The following EIF2S3B variants were observed in gnomAD, a reference collection of about 807,000 sequenced individuals.
EIF2S3B encodes the protein eukaryotic translation initiation factor 2 subunit 3B.
Under a neutral mutation model 26.4 loss-of-function variants are expected in EIF2S3B, and 16 were observed. The ratio of observed to expected loss-of-function variants is 0.61; its 90% confidence interval spans 0.41 to 0.92. The LOEUF is 0.92. Among genes scored for constraint, EIF2S3B ranks in the 40% least tolerant of loss-of-function variants. EIF2S3B has a pLI of 0.00. For synonymous variants in EIF2S3B, 183 were observed against 204.4 expected, an observed-to-expected ratio of 0.90 and a Z score of 0.89; for missense variants, 510 against 575.5, an observed-to-expected ratio of 0.89 and a Z score of 1.16.
downstream of EIF2S3B, among the ~76,000 whole-genome samples, chr12:10,512,467 C>T (rs1864714115): frequency 6.6e-6 from 1 of 152,158 alleles, no homozygotes; most frequent in Non-Finnish European, 1.5e-5. Context: ...CTCAATTCAA[C>T]AGATATTTCT....
intron 1 of EIF2S3B, among the ~76,000 whole-genome samples, chr12:10,518,471 T>C (rs1377912073): frequency 1.3e-5 from 2 of 152,132 alleles, no homozygotes; most frequent in African/African-American, 4.8e-5. Flanking sequence ...TCCTCCATTC[T>C]TTTATTTTGA....
rs1197103034 is a variant in EIF2S3B at position 10,507,586 on chromosome 12, T to C, written c.*265T>C. ...TCCCACATAATGTCAAAATTATACA[T>C]TATGCAGTTTTTTTGTTTGTTTTAT... On this transcript the variant is annotated 3_prime_UTR_variant, in exon 1 of 1. Transcript: ENST00000538173. 3.5e-6 allele frequency: 2 copies of C among 567,174 alleles called. No individual in the cohort carries two copies. Among genetic ancestry groups the C allele is most frequent in the Non-Finnish European group, 6.2e-6 (2 of 323,434 alleles). 35.1% of individuals were successfully genotyped at this position (567,174 alleles called of 1,614,324 possible).
intron 1 of EIF2S3B, among the ~76,000 whole-genome samples, chr12:10,521,267 A>G (rs1056413428): frequency 6.6e-6 from 1 of 152,172 alleles, no homozygotes; most frequent in Admixed American, 6.6e-5. Context: ...ACTGGATCTC[A>G]TGAATCTTAG....
chr12:10,521,462 G>C (rs940018427), intron 1 of EIF2S3B, among the ~76,000 whole-genome samples: 2 of 151,988 alleles, frequency 1.3e-5, no homozygotes, highest in African/African-American at 4.8e-5. Context: ...AGGTCAAATA[G>C]CTAGTGATAG....
chr12:10,519,516 A>C (rs4255619), intron 1 of EIF2S3B, among the ~76,000 whole-genome samples: 63,819 of 151,520 alleles, frequency 0.42, 13,957 homozygotes, highest in East Asian at 0.72. Flanking sequence ...AATGGGATCT[A>C]ATTAAACTAA....
rs1864664493 is a variant in EIF2S3B at position 10,508,075 on chromosome 12, C to G, written c.*754C>G. 6.6e-6 allele frequency among the ~76,000 whole-genome samples: 1 copy of G among 152,162 alleles called. No homozygotes were observed. The highest frequency in any genetic ancestry group is 2.4e-5 in the African/African-American group (1 of 41,432). ...CACAAATTATCCTTGAAGACCTTCT[C>G]CCTTTTCTTTGGCCCCATATTTTAT... On this transcript the variant is annotated 3_prime_UTR_variant, in exon 1 of 1. Transcript: ENST00000538173.
rs1864657085 is a variant in EIF2S3B at position 10,507,717 on chromosome 12, C to T, written c.*396C>T. On this transcript the variant is annotated 3_prime_UTR_variant, in exon 1 of 1. Transcript: ENST00000538173. ...AAGCGATTCTCCTGCCTCAGCCCCCCAAGTAGCTGAGATTACAGGTGTGTG... is the reference window on the plus strand; with the variant it reads ...AAGCGATTCTCCTGCCTCAGCCCCCTAAGTAGCTGAGATTACAGGTGTGTG... Among the ~76,000 whole-genome samples the T allele has an allele frequency of 1.3e-5, 2 of 152,120 alleles. No homozygotes were observed. Among genetic ancestry groups the T allele is most frequent in the Admixed American group, 6.5e-5 (1 of 15,276 alleles).
In EIF2S3B at chr12:10,506,993, T is replaced by C. The variant is rs764505505; in HGVS notation, c.1091T>C (p.Leu364Ser). The change falls in exon 1 of 1, where the codon TTA becomes TCA. Residue 364 changes from leucine to serine, a missense_variant. Transcript: ENST00000538173. The stretch of plus-strand genomic sequence containing the variant: ...CAAATACTTGGTGCAGTCGGAGCTT[T>C]ACCTGAGATATTCACAGAATTGGAA... ...VGQILGAVGA[L>S]PEIFTELEIS... The C allele has an allele frequency of 2.5e-5, 41 of 1,613,696 alleles. No homozygotes were observed. In the Middle Eastern group the frequency reaches 4.9e-4, roughly 19 times the overall value.
intron 1 of EIF2S3B, among the ~76,000 whole-genome samples, chr12:10,520,029 T>G (rs1394807974): frequency 6.7e-6 from 1 of 149,902 alleles, no homozygotes; most frequent in African/African-American, 2.4e-5. Flanking sequence ...CAAAGGACTA[T>G]AAATCATGCT....
intron 1 of EIF2S3B, among the ~76,000 whole-genome samples, chr12:10,520,570 T>G (rs1264351917): frequency 6.6e-6 from 1 of 152,128 alleles, no homozygotes; most frequent in Non-Finnish European, 1.5e-5. Flanking sequence ...ATGAACATAA[T>G]TATGATTTCA....
At chr12:10,521,650 T>C (rs997341596) in intron 1 of EIF2S3B, among the ~76,000 whole-genome samples, 1 of 152,068 alleles carries the variant, frequency 6.6e-6, no homozygotes, top group Non-Finnish European at 1.5e-5. Context: ...TCAATGAAAA[T>C]ATTTCCTTTT....
chr12:10,519,602 T>C (rs1864807409), intron 1 of EIF2S3B, among the ~76,000 whole-genome samples: 1 of 152,030 alleles, frequency 6.6e-6, no homozygotes, highest in African/African-American at 2.4e-5. Context: ...ATTTTTGCAA[T>C]CTACTCATCT....
At chr12:10,515,013 A>G (rs1487068678) in intron 1 of EIF2S3B, among the ~76,000 whole-genome samples, 1 of 152,128 alleles carries the variant, frequency 6.6e-6, no homozygotes, top group East Asian at 1.9e-4. Flanking sequence ...AACATAGTGC[A>G]AAAGACCCTC....
Position 10,515,116 on chromosome 12 carries a change from T to A in EIF2S3B, c.1309-7487T>A, listed in dbSNP as rs149171237. On this transcript the variant is annotated intron_variant, in intron 1 of 1. Transcript: ENST00000322446. ...TTATAATACCTAAATCTGCCCTTTATTCATATTCTTCACTCCATCTACATT... is the reference window on the plus strand; with the variant it reads ...TTATAATACCTAAATCTGCCCTTTAATCATATTCTTCACTCCATCTACATT... Among the ~76,000 whole-genome samples, 13 of 152,178 alleles carry A rather than the reference T, an allele frequency of 8.5e-5. No homozygotes were observed. The East Asian group carries it at 2.5e-3, about 29-fold the overall frequency.
intron 1 of EIF2S3B, among the ~76,000 whole-genome samples, chr12:10,518,737 C>T (rs1314550474): frequency 2.0e-5 from 3 of 151,896 alleles, no homozygotes; most frequent in African/African-American, 7.3e-5. Context: ...AGAGCCAAAT[C>T]ATGAGTGAAC....
downstream of EIF2S3B, among the ~76,000 whole-genome samples, chr12:10,511,258 TTTATA>T (rs1326572768): frequency 2.0e-5 from 3 of 152,116 alleles, no homozygotes; most frequent in African/African-American, 4.8e-5. Flanking sequence ...TCTGCAAAAC[TTTATA>T]TTATAAAGTT....
chr12:10,516,779 C>T (rs889366474), intron 1 of EIF2S3B, among the ~76,000 whole-genome samples: 43 of 152,096 alleles, frequency 2.8e-4, no homozygotes, highest in East Asian at 3.9e-4. Context: ...TTTTGAGATA[C>T]GTCCCATCAA....
At chr12:10,512,859 C>T (rs1310514009), downstream of EIF2S3B, among the ~76,000 whole-genome samples, 1 of 152,120 alleles carries the variant, frequency 6.6e-6, no homozygotes, top group Non-Finnish European at 1.5e-5. Context: ...CTTTTTCCTG[C>T]TCTTTAAAAC....
chr12:10,519,131 A>G (rs1329566477), intron 1 of EIF2S3B, among the ~76,000 whole-genome samples: 1 of 152,064 alleles, frequency 6.6e-6, no homozygotes, highest in African/African-American at 2.4e-5. Context: ...ACAGTAACCA[A>G]AACAGCATGG....
Sources: allele counts gnomAD v4.1 joint callset (sites outside exome capture counted in the v4.1 genomes callset), GRCh38; gene constraint gnomAD v4.1.1; transcripts MANE v1.5; gene names NCBI Gene and HGNC (gene_info 2026-07-23, HGNC 2026-07-21).